Variants in BEAN1 observed in about 807,000 individuals in gnomAD.
BEAN1 encodes the protein protein BEAN1.
Under a neutral mutation model 17.7 loss-of-function variants are expected in BEAN1, and 17 were observed. That is an observed-to-expected ratio of 0.96 (90% CI 0.66 to 1.44). The LOEUF (loss-of-function observed/expected upper bound fraction) is 1.44, where lower values mean the gene tolerates loss of function less well. Among genes scored for constraint, BEAN1 ranks in the 40% most tolerant of loss-of-function variants. The pLI is 0.00. For missense variants in BEAN1, 359 were observed against 374.1 expected, an observed-to-expected ratio of 0.96 and a Z score of 0.33; for synonymous variants, 142 against 151.8, an observed-to-expected ratio of 0.94 and a Z score of 0.47.
chr16:66,441,004 C>T (rs182331312), intron 2 of BEAN1, among the ~76,000 whole-genome samples: 12 of 152,282 alleles, frequency 7.9e-5, no homozygotes, highest in Admixed American at 5.2e-4. Context: ...GACCTGGCCC[C>T]CATCTCGGCC....
chr16:66,438,610 T>C (rs1286315228), intron 2 of BEAN1, among the ~76,000 whole-genome samples: 1 of 152,068 alleles, frequency 6.6e-6, no homozygotes, highest in South Asian at 2.1e-4. Context: ...CCGTCGGCAG[T>C]CTTCTCATGG....
At position 66,464,271 on chromosome 16, in the gene BEAN1, GTCTT is replaced by G. The variant is rs200405111; in HGVS notation, c.26-5327_26-5324del. Among the ~76,000 whole-genome samples the G allele has an allele frequency of 4.4e-4, 67 of 152,166 alleles. No homozygotes were observed. The East Asian group carries it at 0.011, about 25-fold the overall frequency. On this transcript the variant is annotated intron_variant, in intron 2 of 4. Transcript: ENST00000536005. Reference sequence around the variant, plus strand: ...GTCTTCTGAAACATGAACATGGGATGTCTTTCTATTTATTTGGATCTTTAATTTC... The same window carrying G: ...GTCTTCTGAAACATGAACATGGGATGTCTATTTATTTGGATCTTTAATTTC...
chr16:66,459,562 C>T (rs191930005), intron 2 of BEAN1, among the ~76,000 whole-genome samples: 261 of 152,184 alleles, frequency 1.7e-3, no homozygotes, highest in Non-Finnish European at 3.0e-3. Flanking sequence ...CTCAGGTGGT[C>T]CACCCACCTC....
rs547968735 is a variant in BEAN1 at position 66,440,501 on chromosome 16, C to T, written c.25+2800C>T. On this transcript the variant is annotated intron_variant, in intron 2 of 4. Coordinates refer to ENST00000536005, the MANE Select transcript of BEAN1 (RefSeq NM_001178020.3). ...CCCTGACTCAGAGTCCTCCCTGTGT[C>T]CTCCAGCCAGCCTCTCAGACCATCT... Among the ~76,000 whole-genome samples, 7 of 152,258 alleles carry T rather than the reference C, an allele frequency of 4.6e-5. No homozygotes were observed. The East Asian group carries it at 1.4e-3, about 29-fold the overall frequency.
intron 2 of BEAN1, among the ~76,000 whole-genome samples, chr16:66,454,799 G>A (rs1002701413): frequency 8.2e-6 from 1 of 122,296 alleles, no homozygotes; most frequent in East Asian, 2.7e-4. Flanking sequence ...TCCTGAATAT[G>A]GATCATACTT....
At chr16:66,480,563 T>C in intron 4 of BEAN1, 23 bp from the exon 5 acceptor site, 1 of 1,499,858 alleles carries the variant, frequency 6.7e-7, no homozygotes, top group African/African-American at 1.4e-5. Context: ...GGTGGGGCAC[T>C]GAGGGAGCCT....
chr16:66,449,282 C>G (rs1962577923), intron 2 of BEAN1, among the ~76,000 whole-genome samples: 1 of 151,926 alleles, frequency 6.6e-6, no homozygotes, highest in African/African-American at 2.4e-5. Flanking sequence ...CTCAAAAAAA[C>G]AATTCAGATT....
At chr16:66,437,772 AGAACGGCTT>A in intron 2 of BEAN1, 71 bp downstream of exon 2, 1 of 1,482,766 alleles carries the variant, frequency 6.7e-7, no homozygotes, top group African/African-American at 1.4e-5. Flanking sequence ...CGAGCTGCAG[AGAACGGCTT>A]GAGGTGTTTG....
intron 1 of BEAN1, among the ~76,000 whole-genome samples, chr16:66,431,797 T>C (rs940519729): frequency 2.9e-4 from 44 of 152,096 alleles, no homozygotes; most frequent in Non-Finnish European, 4.4e-4. Flanking sequence ...AGTCTTTATG[T>C]TATTAATTTT....
chr16:66,482,781 G>T lies in BEAN1; in HGVS notation c.*1856G>T. 1 of 439,750 alleles carries T rather than the reference G, an allele frequency of 2.3e-6. No homozygotes were observed. Among genetic ancestry groups the T allele is most frequent in the South Asian group, 1.6e-5 (1 of 60,696 alleles). The allele number at this position is 439,750 out of a possible 1,614,324, so 27.2% of individuals were successfully genotyped here. On this transcript the variant is annotated 3_prime_UTR_variant, in exon 5 of 5. Transcript: ENST00000536005. ...ATAAGCAACAATGTATCTTTTCTGT[G>T]TTCAAAATAAATACATAATATCAAT...
intron 3 of BEAN1, chr16:66,476,349 G>A (rs946963398): frequency 6.6e-6 from 1 of 152,208 alleles, no homozygotes; most frequent in African/African-American, 2.4e-5. Flanking sequence ...GGGAAGAGCA[G>A]TCTTTGGGGT....
chr16:66,469,875 C>T lies in BEAN1; in HGVS notation c.289+10C>T, dbSNP rs72788593. 33,862 of 1,531,706 alleles carry T rather than the reference C, an allele frequency of 0.022. 598 individuals are homozygous for T. The highest frequency in any genetic ancestry group is 0.066 in the South Asian group (5,535 of 83,770). The allele number at this position is 1,531,706 out of a possible 1,614,324, so 94.9% of individuals were successfully genotyped here. ...TACGAGCACGGCTACGGTGAGCCGC[C>T]GCCCACCCTGGGGCCCTGGGACCTC... On this transcript the variant is annotated intron_variant, in intron 3 of 4. Transcript: ENST00000536005.
rs147267236 is a variant in BEAN1 at position 66,488,490 on chromosome 16, G to A, written c.148-4472G>A. Among the ~76,000 whole-genome samples the A allele has an allele frequency of 2.5e-3, 367 of 146,704 alleles. 3 individuals are homozygous for A. Among genetic ancestry groups the A allele is most frequent in the Middle Eastern group, 6.9e-3 (2 of 288 alleles). On this transcript the variant is annotated intron_variant, in intron 4 of 4. Transcript: ENST00000561796. ...GAGCTCAGGAGTTGGAAACCAGCCTGGGCAACATAGTGAGACCTTATCACT... is the reference window on the plus strand; with the variant it reads ...GAGCTCAGGAGTTGGAAACCAGCCTAGGCAACATAGTGAGACCTTATCACT...
chr16:66,466,200 C>T (rs1963256476), intron 2 of BEAN1, among the ~76,000 whole-genome samples: 1 of 152,208 alleles, frequency 6.6e-6, no homozygotes, highest in African/African-American at 2.4e-5. Flanking sequence ...GAGGCTGAGG[C>T]AGGAGAATCA....
chr16:66,491,890 C>T lies in BEAN1; in HGVS notation c.148-1072C>T, dbSNP rs184815702. Among the ~76,000 whole-genome samples, 305 of 152,296 alleles carry T rather than the reference C, an allele frequency of 2.0e-3. 1 individual carries two copies. The highest frequency in any genetic ancestry group is 7.0e-3 in the African/African-American group (291 of 41,558). Reference sequence around the variant, plus strand: ...GGCCAGGTTCCTAACAGACCATAGACCAGTACTGGTCCAAGGCCTGGGGAT... The same window carrying T: ...GGCCAGGTTCCTAACAGACCATAGATCAGTACTGGTCCAAGGCCTGGGGAT... On this transcript the variant is annotated intron_variant, in intron 4 of 4. Coordinates refer to the BEAN1 transcript ENST00000561796.
At chr16:66,460,691 CA>C (rs1209779439) in intron 2 of BEAN1, among the ~76,000 whole-genome samples, 7 of 152,202 alleles carry the variant, frequency 4.6e-5, no homozygotes, top group African/African-American at 1.7e-4. Flanking sequence ...TCAGAAGAAG[CA>C]AAACATCATT....
chr16:66,434,197 G>A lies in BEAN1; in HGVS notation c.-82-3398G>A, dbSNP rs7197905. ...GACCACGCTTGGCCTAGCAGCTGGGGTGGGCCTGCCCCCGACCCCGACCCC... is the reference window on the plus strand; with the variant it reads ...GACCACGCTTGGCCTAGCAGCTGGGATGGGCCTGCCCCCGACCCCGACCCC... On this transcript the variant is annotated intron_variant, in intron 1 of 4. Transcript: ENST00000536005. This position sits in a 1 kb window ranked among gnomAD's most constrained non-coding sequence, Gnocchi z 4.3. 0.063 allele frequency among the ~76,000 whole-genome samples: 9,539 copies of A among 152,036 alleles called. 997 individuals are homozygous for A. Among genetic ancestry groups the A allele is most frequent in the African/African-American group, 0.22 (8,977 of 41,334 alleles).
chr16:66,448,440 G>A (rs146383284), intron 2 of BEAN1, among the ~76,000 whole-genome samples: 157 of 152,166 alleles, frequency 1.0e-3, no homozygotes, highest in African/African-American at 3.4e-3. Context: ...TGGTTTGCCA[G>A]CATACCACTA....
At chr16:66,476,725 G>T (rs1444569974) in intron 3 of BEAN1, among the ~76,000 whole-genome samples, 1 of 152,210 alleles carries the variant, frequency 6.6e-6, no homozygotes, top group Non-Finnish European at 1.5e-5. Flanking sequence ...AACCTCAGCT[G>T]TGGAATGAGA....
Sources: gnomAD v4.1 joint callset for allele counts (sites outside exome capture counted in the v4.1 genomes callset) on GRCh38, gnomAD v4.1.1 for gene constraint, Gnocchi (gnomAD v3.1) non-coding constraint, MANE v1.5 for transcripts, NCBI Gene and HGNC (gene_info 2026-07-23, HGNC 2026-07-21) for gene names.